Variants in BBS9 observed in about 807,000 individuals in gnomAD.
BBS9 encodes protein PTHB1.
A neutral mutation model predicts 117.7 loss-of-function variants in BBS9; 89 were observed. The ratio of observed to expected loss-of-function variants is 0.76; its 90% CI spans 0.64 to 0.90. BBS9 has a LOEUF of 0.90. Ranked by LOEUF, BBS9 falls within the 40% of genes least tolerant of loss-of-function variation. BBS9 has a pLI of 0.00. For synonymous variants in BBS9, 379 were observed against 370.9 expected (o/e 1.02, Z -0.25); for missense variants, 982 against 1,042.2 (o/e 0.94, Z 0.80).
chr7:33,568,425 A>G (rs1490834175), intron 21 of BBS9, among the ~76,000 whole-genome samples: 2 of 152,102 alleles, frequency 1.3e-5, no homozygotes, highest in Admixed American at 1.3e-4. Flanking sequence ...TACCCCTATC[A>G]TGGATTTATC....
intron 21 of BBS9, among the ~76,000 whole-genome samples, chr7:33,563,086 C>T (rs1856335558): frequency 6.6e-6 from 1 of 151,976 alleles, no homozygotes; most frequent in Non-Finnish European, 1.5e-5. Context: ...ATTGCTAAAG[C>T]CTACAGATTG....
chr7:33,322,698 T>C (rs1376978728), intron 9 of BBS9, among the ~76,000 whole-genome samples: 1 of 152,060 alleles, frequency 6.6e-6, no homozygotes, highest in Non-Finnish European at 1.5e-5. Flanking sequence ...TTTTCTTTCA[T>C]TGATTTTTGT....
chr7:33,361,393 G>A lies in BBS9; in HGVS notation c.1693+3398G>A, dbSNP rs553378168. Among the ~76,000 whole-genome samples the A allele has an allele frequency of 6.6e-5, 10 of 152,312 alleles. No individual in the cohort carries two copies. In the East Asian group the frequency reaches 1.9e-3, roughly 29 times the overall value. On this transcript the variant is annotated intron_variant, in intron 16 of 22. Transcript: ENST00000242067. ...ACATAATATTCCATTGTTTGGAGGT[G>A]TCATGTACATACAGATTTTTTGTAC... is the stretch of plus-strand genomic sequence containing the variant.
chr7:33,289,842 G>T (rs1803652798), intron 9 of BBS9, among the ~76,000 whole-genome samples: 1 of 152,064 alleles, frequency 6.6e-6, no homozygotes, highest in Non-Finnish European at 1.5e-5. Context: ...AAGAGATCAG[G>T]ACCATCCTGG....
At chr7:33,551,969 C>T (rs1251413043) in intron 21 of BBS9, among the ~76,000 whole-genome samples, 1 of 151,430 alleles carries the variant, frequency 6.6e-6, no homozygotes, top group Non-Finnish European at 1.5e-5. Flanking sequence ...ATTGGAGTAC[C>T]ACAGTTTTTG....
chr7:33,230,891 G>T (rs1161142404), intron 5 of BBS9, among the ~76,000 whole-genome samples: 1 of 152,110 alleles, frequency 6.6e-6, no homozygotes, highest in Non-Finnish European at 1.5e-5. Flanking sequence ...ATGCATGCAG[G>T]TGTGTTTTTT....
chr7:33,301,786 T>C (rs1212608423), intron 9 of BBS9, among the ~76,000 whole-genome samples: 2 of 152,144 alleles, frequency 1.3e-5, no homozygotes, highest in East Asian at 3.8e-4. Context: ...CTTTTGTGTA[T>C]ATAAGAGGGA....
At chr7:33,329,781 CATT>C (rs891212397) in intron 9 of BBS9, among the ~76,000 whole-genome samples, 1 of 152,262 alleles carries the variant, frequency 6.6e-6, no homozygotes, top group Non-Finnish European at 1.5e-5. Flanking sequence ...CAGCTGGACA[CATT>C]ATTAAATACA....
chr7:33,612,715 T>G (rs1175410324), intron 21 of BBS9, among the ~76,000 whole-genome samples: 1 of 152,080 alleles, frequency 6.6e-6, no homozygotes, highest in Admixed American at 6.6e-5. Context: ...GTTTGCCTGA[T>G]TATCCCAGTA....
intron 21 of BBS9, among the ~76,000 whole-genome samples, chr7:33,612,616 C>A (rs1864936781): frequency 6.6e-6 from 1 of 152,014 alleles, no homozygotes; most frequent in Admixed American, 6.6e-5. Flanking sequence ...TTGGTCCCTA[C>A]AGTGGCACTG....
intron 19 of BBS9, among the ~76,000 whole-genome samples, chr7:33,477,049 C>T (rs1002149653): frequency 5.3e-5 from 8 of 152,160 alleles, no homozygotes; most frequent in South Asian, 2.1e-4. Flanking sequence ...CAAGTGGGCC[C>T]TTCCACTTAC....
At position 33,469,735 on chromosome 7, in the gene BBS9, AGAG is replaced by A. The variant is rs374438798; in HGVS notation, c.2116-35724_2116-35722del. Among the ~76,000 whole-genome samples, 52 of 152,264 alleles carry A rather than the reference AGAG, an allele frequency of 3.4e-4. 1 individual carries two copies. In the South Asian group the frequency reaches 0.01, roughly 30 times the overall value. ...CACAACTTTCCCAGCTGTTAAAAAA[AGAG>A]GAGAACAAAGAAAAGAAAGAAAAAG... On this transcript the variant is annotated intron_variant, in intron 19 of 22. Transcript: ENST00000242067.
At chr7:33,517,270 T>C (rs1847936497) in intron 20 of BBS9, among the ~76,000 whole-genome samples, 1 of 152,240 alleles carries the variant, frequency 6.6e-6, no homozygotes, top group Non-Finnish European at 1.5e-5. Flanking sequence ...ATCCTCACCA[T>C]GTCCCTTTGA....
chr7:33,323,553 C>G (rs1257766485), intron 9 of BBS9, among the ~76,000 whole-genome samples: 3 of 151,846 alleles, frequency 2.0e-5, no homozygotes, highest in African/African-American at 7.3e-5. Flanking sequence ...ATAAGTATAG[C>G]TACTCTTTGT....
chr7:33,465,724 A>T (rs1840069085), intron 19 of BBS9, among the ~76,000 whole-genome samples: 1 of 152,102 alleles, frequency 6.6e-6, no homozygotes, highest in Non-Finnish European at 1.5e-5. Flanking sequence ...TATTGTATGG[A>T]TTGAGTTAAT....
chr7:33,630,071 G>A (rs1228719812), intron 21 of BBS9, among the ~76,000 whole-genome samples: 1 of 151,924 alleles, frequency 6.6e-6, no homozygotes, highest in Non-Finnish European at 1.5e-5. Context: ...TTTTTGTAAT[G>A]TGCCACAGGT....
At chr7:33,296,817 G>A (rs1805372767) in intron 9 of BBS9, among the ~76,000 whole-genome samples, 1 of 152,136 alleles carries the variant, frequency 6.6e-6, no homozygotes, top group Admixed American at 6.5e-5. Context: ...TCCACTTGTG[G>A]TTTGTTTAGG....
intron 19 of BBS9, among the ~76,000 whole-genome samples, chr7:33,409,403 T>C (rs1830690585): frequency 6.6e-6 from 1 of 152,214 alleles, no homozygotes; most frequent in South Asian, 2.1e-4. Flanking sequence ...GCACCATTCA[T>C]TGAATAGGGA....
intron 15 of BBS9, among the ~76,000 whole-genome samples, chr7:33,356,124 G>A (rs1819575371): frequency 6.6e-6 from 1 of 151,778 alleles, no homozygotes; most frequent in Admixed American, 6.6e-5. Context: ...ATGGAAACAA[G>A]TTTAAGTTTC....
Sources: allele counts gnomAD v4.1 joint callset (sites outside exome capture counted in the v4.1 genomes callset), GRCh38; gene constraint gnomAD v4.1.1; transcripts MANE v1.5; gene names NCBI Gene and HGNC (gene_info 2026-07-23, HGNC 2026-07-21).